Variants in ZFHX3 observed in about 807,000 individuals in gnomAD.
ZFHX3 encodes the protein zinc finger homeobox protein 3.
Under a neutral mutation model 279.1 loss-of-function variants are expected in ZFHX3, and 42 were observed. That is an observed-to-expected ratio of 0.15 (90% CI 0.12 to 0.19). The LOEUF is 0.19. Ranked by LOEUF, ZFHX3 falls within the 10% of genes least tolerant of loss-of-function variation. The pLI is 1.00. For missense variants in ZFHX3, 4,981 were observed against 4,754.0 expected (o/e 1.05, Z -1.40); for synonymous variants, 2,293 against 1,957.8 (o/e 1.17, Z -4.52).
rs532419580 is a variant in ZFHX3, at chr16:73,151,506, G to T, written c.-1103-7675C>A. Among the ~76,000 whole-genome samples the T allele has an allele frequency of 3.7e-4, 56 of 152,264 alleles. 1 individual carries two copies. In the South Asian group the frequency reaches 0.011, roughly 29 times the overall value. ...GAGAAGGATCTGGGTCTGATATCAG[G>T]ATACAGAGGCTGCCTCCTGCTCGGT... On this transcript the variant is annotated intron_variant, in intron 5 of 17. Coordinates refer to the ZFHX3 transcript ENST00000641206.
At chr16:73,452,047 G>A (rs1350481062) in intron 3 of ZFHX3, among the ~76,000 whole-genome samples, 1 of 152,174 alleles carries the variant, frequency 6.6e-6, no homozygotes, top group African/African-American at 2.4e-5. Flanking sequence ...ACAAAGAGCT[G>A]AGAGTTTCTG....
chr16:73,771,418 A>G (rs1048473640), intron 1 of ZFHX3, among the ~76,000 whole-genome samples: 2 of 152,228 alleles, frequency 1.3e-5, no homozygotes, highest in African/African-American at 2.4e-5. Context: ...TGAGGAGGGC[A>G]TGGACAAATG....
chr16:73,844,976 G>A (rs1403197461), intron 1 of ZFHX3, among the ~76,000 whole-genome samples: 1 of 151,984 alleles, frequency 6.6e-6, no homozygotes, highest in African/African-American at 2.4e-5. Context: ...GGGCAATAGG[G>A]GAATTAACAA....
intron 5 of ZFHX3, among the ~76,000 whole-genome samples, chr16:73,243,132 C>G (rs1249946011): frequency 6.6e-6 from 1 of 152,222 alleles, no homozygotes; most frequent in African/African-American, 2.4e-5. Flanking sequence ...GCTAGTGGCA[C>G]AGCTCAGGCT....
intron 1 of ZFHX3, among the ~76,000 whole-genome samples, chr16:73,705,750 A>G (rs1217604678): frequency 6.6e-6 from 1 of 152,008 alleles, no homozygotes; most frequent in Non-Finnish European, 1.5e-5. Context: ...TACTCTTTCT[A>G]TCTTCCCTGT....
intron 1 of ZFHX3, chr16:73,815,766 T>C (rs1489661553): frequency 6.6e-6 from 1 of 152,178 alleles, no homozygotes; most frequent in African/African-American, 2.4e-5. Context: ...GTTTTCACCA[T>C]GTTGGCCAGG....
intron 3 of ZFHX3, among the ~76,000 whole-genome samples, chr16:73,421,624 T>G (rs2017720591): frequency 6.6e-6 from 1 of 151,788 alleles, no homozygotes; most frequent in Admixed American, 6.6e-5. Flanking sequence ...GACAAGAAAT[T>G]CTAGGCAGGA....
At chr16:73,821,324 C>T (rs887660311) in intron 1 of ZFHX3, among the ~76,000 whole-genome samples, 2 of 152,228 alleles carry the variant, frequency 1.3e-5, no homozygotes, top group Admixed American at 6.5e-5. Flanking sequence ...CGGCAGCACA[C>T]TGAGGAGGTA....
At chr16:73,350,247 T>C (rs1343065339) in intron 3 of ZFHX3, among the ~76,000 whole-genome samples, 3 of 152,110 alleles carry the variant, frequency 2.0e-5, no homozygotes, top group Non-Finnish European at 4.4e-5. Flanking sequence ...GAATATCTCC[T>C]CTTTCTGGGT....
At chr16:73,814,310 C>A (rs1960504878) in intron 1 of ZFHX3, among the ~76,000 whole-genome samples, 1 of 151,932 alleles carries the variant, frequency 6.6e-6, no homozygotes, top group African/African-American at 2.4e-5. Context: ...AAAGCCAAAA[C>A]CTAGCACATA....
chr16:73,814,228 C>A (rs995471552), intron 1 of ZFHX3, among the ~76,000 whole-genome samples: 1 of 152,130 alleles, frequency 6.6e-6, no homozygotes, highest in Non-Finnish European at 1.5e-5. Context: ...CCCACCCCCA[C>A]CATTGTCAAC....
At chr16:73,022,674 C>T (rs1255731013) in intron 1 of ZFHX3, among the ~76,000 whole-genome samples, 3 of 152,232 alleles carry the variant, frequency 2.0e-5, no homozygotes, top group Non-Finnish European at 4.4e-5. Context: ...CCACATGCCA[C>T]GATCCCAGAC....
At chr16:73,167,240 A>T (rs934617609) in intron 5 of ZFHX3, among the ~76,000 whole-genome samples, 2 of 152,220 alleles carry the variant, frequency 1.3e-5, no homozygotes. Flanking sequence ...TTCTCTTAAA[A>T]TTTTTTGCAC....
intron 4 of ZFHX3, among the ~76,000 whole-genome samples, chr16:72,840,899 C>G (rs975189761): frequency 6.6e-5 from 10 of 152,218 alleles, no homozygotes; most frequent in African/African-American, 2.2e-4. Context: ...CAAACCAAAT[C>G]TGGGGAACAG....
At chr16:73,871,579 A>G (rs1007169200) in intron 1 of ZFHX3, among the ~76,000 whole-genome samples, 1 of 152,116 alleles carries the variant, frequency 6.6e-6, no homozygotes, top group Non-Finnish European at 1.5e-5. Context: ...CTTTGAATGC[A>G]TCCAAGCAGT....
intron 5 of ZFHX3, among the ~76,000 whole-genome samples, chr16:73,222,037 A>T (rs781185038): frequency 6.6e-6 from 1 of 152,060 alleles, no homozygotes; most frequent in Admixed American, 6.5e-5. Flanking sequence ...TAACTCAATG[A>T]TGAACTCTTT....
Position 72,960,067 on chromosome 16 carries a change from G to T in ZFHX3, c.79C>A (p.Leu27Ile), listed in dbSNP as rs1961499688. The T allele has an allele frequency of 6.2e-7, 1 of 1,613,972 alleles. No homozygotes were observed. The highest frequency in any genetic ancestry group is 1.3e-5 in the African/African-American group (1 of 75,040). The change falls in exon 2 of 10, where the codon CTC (leucine) becomes ATC (isoleucine). Residue 27 changes from leucine (L) to isoleucine (I), a missense_variant. Physicochemically the swap from Leu to Ile is conservative, Grantham distance 5 (BLOSUM62 2). Transcript: ENST00000268489. ...GIPQHQQWTE[L>I]NSTHLPDKPS... ...TTGTCAGGGAGGTGGGTGCTGTTGAGTTCAGTCCATTGCTGGTGCTGAGGG... is the reference window on the plus strand; with the variant it reads ...TTGTCAGGGAGGTGGGTGCTGTTGATTTCAGTCCATTGCTGGTGCTGAGGG...
chr16:73,662,157 G>A (rs572075006), intron 2 of ZFHX3, among the ~76,000 whole-genome samples: 1 of 152,074 alleles, frequency 6.6e-6, no homozygotes, highest in Non-Finnish European at 1.5e-5. Flanking sequence ...TTAAAACCCT[G>A]ATATTACAAG....
chr16:72,950,578 T>A lies in ZFHX3; in HGVS notation c.3107A>T (p.Asn1036Ile). 1 of 1,614,090 alleles carries A rather than the reference T, an allele frequency of 6.2e-7. No homozygotes were observed. The highest frequency in any genetic ancestry group is 8.5e-7 in the Non-Finnish European group (1 of 1,180,016). Residue 1036 changes from asparagine to isoleucine, a missense_variant, in exon 3 of 10, where the codon AAC becomes ATC. By Grantham distance (149) the Asn-to-Ile change is moderately radical. This residue lies in a region of ZFHX3 where 1,751 missense variants were observed against 1,770.0 expected (regional missense o/e 0.99). Coordinates refer to ENST00000268489, the MANE Select transcript of ZFHX3 (RefSeq NM_006885.4). ...EWRLKCVAIGNPVHLKCNACD... is the reference protein window; with the variant it reads ...EWRLKCVAIGIPVHLKCNACD... The stretch of plus-strand genomic sequence containing the variant: ...GGCGTTGCACTTGAGGTGCACGGGG[T>A]TGCCGATGGCCACACACTTGAGCCT...
Sources: gnomAD v4.1 joint callset for allele counts (sites outside exome capture counted in the v4.1 genomes callset) on GRCh38, gnomAD v4.1.1 for gene constraint, gnomAD v4.1.1 regional missense constraint, MANE v1.5 for transcripts, NCBI Gene and HGNC (gene_info 2026-07-23, HGNC 2026-07-21) for gene names.